The following MKRN1 variants were observed in gnomAD, a reference collection of about 807,000 sequenced individuals.
MKRN1 encodes E3 ubiquitin-protein ligase makorin-1.
MKRN1 carries 9 observed loss-of-function variants against 55.5 expected under a neutral mutation model. That is an observed-to-expected ratio of 0.16 (90% CI 0.10 to 0.28). The LOEUF (loss-of-function observed/expected upper bound fraction) is 0.28. Among genes scored for constraint, MKRN1 ranks in the 10% least tolerant of loss-of-function variants. The pLI is 1.00. For synonymous variants in MKRN1, 253 were observed against 235.9 expected, an observed-to-expected ratio of 1.07 and a Z score of -0.66; for missense variants, 488 against 626.7, an observed-to-expected ratio of 0.78 and a Z score of 2.36.
At position 140,454,364 on chromosome 7, in the gene MKRN1, G is replaced by A. The variant is rs1794407793; in HGVS notation, c.*153C>T. On this transcript the variant is annotated 3_prime_UTR_variant, in exon 8 of 8. Coordinates refer to ENST00000255977, the MANE Select transcript of MKRN1 (RefSeq NM_013446.4). ...CAACACACTCCTCAGGGAAAGGTGA[G>A]GGGTTGAGAAGACAGGCCCTGGGTA... The A allele has an allele frequency of 3.0e-6, 2 of 664,124 alleles. No homozygotes were observed. The highest frequency in any genetic ancestry group is 5.3e-6 in the Non-Finnish European group (2 of 378,904). 41.1% of individuals were successfully genotyped at this position (664,124 alleles called of 1,614,324 possible).
chr7:140,460,909 C>G (rs1462199835), intron 2 of MKRN1, among the ~76,000 whole-genome samples: 1 of 152,232 alleles, frequency 6.6e-6, no homozygotes, highest in African/African-American at 2.4e-5. Context: ...TGTAACTGTT[C>G]CGATCAAACT....
chr7:140,477,675 C>T (rs973877155), intron 1 of MKRN1, among the ~76,000 whole-genome samples: 8 of 146,734 alleles, frequency 5.5e-5, no homozygotes, highest in African/African-American at 2.1e-4. Flanking sequence ...CCAGGCTGGT[C>T]TCGAACTCCT....
At chr7:140,469,699 G>C (rs985646911) in intron 2 of MKRN1, among the ~76,000 whole-genome samples, 4 of 152,116 alleles carry the variant, frequency 2.6e-5, no homozygotes, top group Non-Finnish European at 5.9e-5. Context: ...GACTGCCTGA[G>C]CTCAGGAATT....
At chr7:140,466,094 A>G (rs980949882) in intron 2 of MKRN1, among the ~76,000 whole-genome samples, 14 of 152,054 alleles carry the variant, frequency 9.2e-5, no homozygotes, top group African/African-American at 3.4e-4. Flanking sequence ...AAAACAAAAA[A>G]AGATAAGGTT....
In MKRN1 at chr7:140,459,100, C is replaced by T; in HGVS notation, c.678G>A (p.Glu226=). ...YAAVGECRYG[E]NCVYLHGDSC... is the part of the protein sequence containing the mutation. Reference sequence around the variant, plus strand: ...AATCTCCGTGGAGATACACACAGTTCTCCCCGTATCGGCACTCTCCCACTG... The same window carrying T: ...AATCTCCGTGGAGATACACACAGTTTTCCCCGTATCGGCACTCTCCCACTG... The change falls in exon 4 of 8, where the codon GAG becomes GAA. Residue 226 remains glutamate, a synonymous_variant. Transcript: ENST00000255977. 6.2e-7 allele frequency: 1 copy of T among 1,613,986 alleles called. No individual in the cohort carries two copies. Among genetic ancestry groups the T allele is most frequent in the Non-Finnish European group, 8.5e-7 (1 of 1,179,864 alleles).
chr7:140,467,927 G>A (rs982024869), intron 2 of MKRN1, among the ~76,000 whole-genome samples: 1 of 151,294 alleles, frequency 6.6e-6, no homozygotes. Flanking sequence ...ACTTGAACCC[G>A]GGAGGTGGAG....
chr7:140,454,818 G>C, intron 7 of MKRN1, 89 bp from the exon 8 acceptor site: 1 of 1,365,226 alleles, frequency 7.3e-7, no homozygotes, highest in African/African-American at 1.4e-5. Context: ...CAGCACACCA[G>C]AGGGCATGAC....
At chr7:140,463,652 A>G (rs369979344) in intron 2 of MKRN1, among the ~76,000 whole-genome samples, 5,522 of 151,764 alleles carry the variant, frequency 0.036, 143 homozygotes, top group East Asian at 0.13. Flanking sequence ...TTGGGAGGCC[A>G]AGGTGGGCGG....
chr7:140,463,660 C>CT (rs1794684330), intron 2 of MKRN1, among the ~76,000 whole-genome samples: 1 of 151,848 alleles, frequency 6.6e-6, no homozygotes, highest in African/African-American at 2.4e-5. Flanking sequence ...CCAAGGTGGG[C>CT]GGATCACAAG....
In MKRN1 at chr7:140,469,600, A is replaced by T. The variant is rs373906866; in HGVS notation, c.314+2283T>A. On this transcript the variant is annotated intron_variant, in intron 2 of 7. Transcript: ENST00000255977. The stretch of plus-strand genomic sequence containing the variant: ...AAGCTAGCTGCCAAGCTGCAAGGAT[A>T]CTAAAGTATCCCTATGAAAAGGCCC... Among the ~76,000 whole-genome samples the T allele has an allele frequency of 6.6e-5, 10 of 152,150 alleles. No individual in the cohort carries two copies. In the East Asian group the frequency reaches 1.8e-3, roughly 27 times the overall value.
intron 1 of MKRN1, among the ~76,000 whole-genome samples, chr7:140,473,994 A>G (rs113594767): frequency 3.9e-4 from 17 of 44,140 alleles, no homozygotes; most frequent in African/African-American, 3.8e-3. Context: ...CTCCGTCTCA[A>G]AAAAAAAAAA....
chr7:140,463,335 G>A (rs150394608), intron 2 of MKRN1, among the ~76,000 whole-genome samples: 1 of 152,280 alleles, frequency 6.6e-6, no homozygotes, highest in Non-Finnish European at 1.5e-5. Flanking sequence ...ACTAAGTGAT[G>A]GGGTTCTAGG....
At chr7:140,472,136 A>T in intron 1 of MKRN1, 125 bp from the exon 2 acceptor site, 1 of 1,329,662 alleles carries the variant, frequency 7.5e-7, no homozygotes, top group South Asian at 1.4e-5. Context: ...ACACAAAGAA[A>T]GGGCCAGGCA....
At chr7:140,468,727 A>T (rs1394171786) in intron 2 of MKRN1, among the ~76,000 whole-genome samples, 1 of 149,864 alleles carries the variant, frequency 6.7e-6, no homozygotes, top group Admixed American at 6.7e-5. Flanking sequence ...AAAAAAAAAG[A>T]CATGCCTGGT....
chr7:140,475,214 G>A (rs117861379), intron 1 of MKRN1: 11,336 of 441,216 alleles, frequency 0.026, 213 homozygotes, highest in Non-Finnish European at 0.037. Flanking sequence ...GTGATGGCAC[G>A]TGCCTGTAAT....
intron 1 of MKRN1, chr7:140,478,073 G>A (rs898765238): frequency 3.9e-5 from 6 of 152,174 alleles, no homozygotes; most frequent in African/African-American, 7.2e-5. Flanking sequence ...ATCAAAGACT[G>A]GGAAGGTTTC....
At chr7:140,463,396 C>T (rs1247295455) in intron 2 of MKRN1, among the ~76,000 whole-genome samples, 2 of 152,184 alleles carry the variant, frequency 1.3e-5, no homozygotes, top group African/African-American at 4.8e-5. Flanking sequence ...CCACTGCCCA[C>T]ATCTAACTCT....
intron 2 of MKRN1, among the ~76,000 whole-genome samples, chr7:140,466,586 T>C (rs968400539): frequency 1.9e-4 from 28 of 150,240 alleles, no homozygotes; most frequent in Non-Finnish European, 3.0e-4. Flanking sequence ...GGGTGGATCA[T>C]GAGGTCAGGA....
At chr7:140,466,858 G>A (rs1006226911) in intron 2 of MKRN1, among the ~76,000 whole-genome samples, 2 of 151,480 alleles carry the variant, frequency 1.3e-5, no homozygotes, top group African/African-American at 4.8e-5. Flanking sequence ...AGCTGGAGGT[G>A]GTGGTTGCAG....
Sources: allele counts gnomAD v4.1 joint callset (sites outside exome capture counted in the v4.1 genomes callset), GRCh38; gene constraint gnomAD v4.1.1; transcripts MANE v1.5; gene names NCBI Gene and HGNC (gene_info 2026-07-23, HGNC 2026-07-21).